The following DST variants were observed in gnomAD, a reference collection of about 807,000 sequenced individuals.
DST encodes the protein dystonin, also known as bullous pemphigoid antigen.
In DST, 253 loss-of-function variants were observed where a neutral mutation model predicts 875.2. The observed-to-expected ratio is 0.29, with a 90% CI of 0.26 to 0.32. The LOEUF is 0.32. DST is among the 10% of genes least tolerant of loss of function. The pLI is 1.00. For synonymous variants in DST, 3,124 were observed against 3,197.1 expected (o/e 0.98, Z 0.77); for missense variants, 8,287 against 9,111.6 (o/e 0.91, Z 3.68).
chr6:56,614,277 T>C, intron 37 of DST, 79 bp downstream of exon 37: 1 of 1,294,162 alleles, frequency 7.7e-7, no homozygotes, highest in Non-Finnish European at 1.0e-6. Context: ...AAATTAAACA[T>C]TGTGCTAGGT....
intron 2 of DST, among the ~76,000 whole-genome samples, chr6:56,925,204 T>C (rs1198843344): frequency 6.6e-6 from 1 of 152,230 alleles, no homozygotes; most frequent in East Asian, 1.9e-4. Context: ...TTGATGGAAC[T>C]GGCTAACATC....
chr6:56,624,418 A>C (rs746234209), intron 36 of DST, 112 bp downstream of exon 36: 2 of 744,428 alleles, frequency 2.7e-6, no homozygotes, highest in Non-Finnish European at 4.9e-6. Context: ...TACATCTGCT[A>C]CCGGCCACAT....
chr6:56,548,226 G>A (rs1207004393), intron 61 of DST, among the ~76,000 whole-genome samples: 1 of 152,226 alleles, frequency 6.6e-6, no homozygotes, highest in East Asian at 1.9e-4. Context: ...TGTTATTTAA[G>A]AAAGTTTATG....
chr6:56,755,466 C>T (rs2099599727), intron 4 of DST, among the ~76,000 whole-genome samples: 1 of 152,198 alleles, frequency 6.6e-6, no homozygotes, highest in Non-Finnish European at 1.5e-5. Context: ...ACTTTACATT[C>T]ACATATACTC....
intron 10 of DST, among the ~76,000 whole-genome samples, chr6:56,667,580 G>A (rs918939523): frequency 5.9e-5 from 9 of 152,060 alleles, no homozygotes; most frequent in African/African-American, 1.4e-4. Flanking sequence ...TTTTAACCAC[G>A]AACCTTAACA....
intron 10 of DST, among the ~76,000 whole-genome samples, chr6:56,660,135 C>CA (rs1027315221): frequency 1.3e-5 from 2 of 152,158 alleles, no homozygotes; most frequent in African/African-American, 4.8e-5. Flanking sequence ...GACTGCTGGC[C>CA]AGAACCATTT....
chr6:56,460,230 G>T lies in DST; in HGVS notation c.23095C>A (p.Leu7699Ile), dbSNP rs1395059476. The T allele has an allele frequency of 6.2e-7, 1 of 1,613,942 alleles. No homozygotes were observed. The highest frequency in any genetic ancestry group is 8.5e-7 in the Non-Finnish European group (1 of 1,179,864). The change falls in exon 103 of 104, where the codon CTT becomes ATT. Residue 7699 changes from leucine (L) to isoleucine (I), a missense_variant. By Grantham distance (5) the Leu-to-Ile change is conservative. Transcript: ENST00000680361. ...CCTGATAAATATCCTGGAAGTCGAA[G>T]CTTGCTTCCTTGTATTGGCGTTCCC... is the stretch of plus-strand genomic sequence containing the variant. ...AEGTPIQGSK[L>I]RLPGYLSGKG... is the part of the protein sequence containing the mutation.
chr6:56,715,443 T>C (rs1167495085), intron 5 of DST, among the ~76,000 whole-genome samples: 1 of 152,160 alleles, frequency 6.6e-6, no homozygotes, highest in Admixed American at 6.5e-5. Flanking sequence ...GCTGAGCACT[T>C]TGAAGAGAAG....
chr6:56,847,212 C>T (rs181536454), intron 4 of DST, among the ~76,000 whole-genome samples: 1 of 151,978 alleles, frequency 6.6e-6, no homozygotes, highest in East Asian at 1.9e-4. Flanking sequence ...CCTAGCTACT[C>T]AGGAGGCTGA....
chr6:56,905,132 C>T (rs1330205175), intron 2 of DST, among the ~76,000 whole-genome samples: 2 of 152,118 alleles, frequency 1.3e-5, no homozygotes, highest in African/African-American at 4.8e-5. Flanking sequence ...CACTTGGAAG[C>T]CTGTCAGTAG....
Position 56,636,396 on chromosome 6 carries a change from A to ATG in DST, c.3060+159_3060+160dup, listed in dbSNP as rs1225053498. On this transcript the variant is annotated intron_variant, in intron 23 of 103. Transcript: ENST00000680361. ...TATACACACATATATGTGTATACGTATGTGTGTATATATATACACACATAT... is the reference window on the plus strand; with the variant it reads ...TATACACACATATATGTGTATACGTATGTGTGTGTATATATATACACACATAT... Among the ~76,000 whole-genome samples, 9 of 149,880 alleles carry ATG rather than the reference A, an allele frequency of 6.0e-5. No individual in the cohort carries two copies. The East Asian group carries it at 1.2e-3, about 20-fold the overall frequency.
chr6:56,506,971 T>C (rs2096336545), intron 75 of DST, among the ~76,000 whole-genome samples, 182 bp from the exon 76 acceptor site: 1 of 152,192 alleles, frequency 6.6e-6, no homozygotes, highest in African/African-American at 2.4e-5. Flanking sequence ...AACAGCACCC[T>C]TTTAGTAACA....
At chr6:56,528,814 G>T in intron 67 of DST, 27 bp downstream of exon 67, 2 of 1,396,756 alleles carry the variant, frequency 1.4e-6, no homozygotes, top group South Asian at 1.3e-5. Context: ...CTGACCACAT[G>T]ATGATTTGAT....
chr6:56,504,867 A>G lies in DST; in HGVS notation c.19465-769T>C, dbSNP rs60139655. On this transcript the variant is annotated intron_variant, in intron 77 of 103. Coordinates refer to ENST00000680361, the MANE Select transcript of DST (RefSeq NM_001374736.1). ...CATGCCACCATGGCTGGCTAATAAA[A>G]AAAGAAAAAAAAATTGTAGATGGGG... 9.9e-3 allele frequency among the ~76,000 whole-genome samples: 1,496 copies of G among 151,750 alleles called. 25 individuals are homozygous for G. Among genetic ancestry groups the G allele is most frequent in the African/African-American group, 0.033 (1,384 of 41,484 alleles).
chr6:56,515,955 C>T (rs999752903), intron 71 of DST, among the ~76,000 whole-genome samples: 1 of 151,840 alleles, frequency 6.6e-6, no homozygotes, highest in Non-Finnish European at 1.5e-5. Context: ...GAAAACAAGT[C>T]CCATATGATT....
chr6:56,517,768 G>GACTA (rs1352678477), intron 69 of DST, 148 bp from the exon 70 acceptor site: 1 of 960,772 alleles, frequency 1.0e-6, no homozygotes, highest in Non-Finnish European at 1.5e-6. Context: ...TCGTGATAAT[G>GACTA]ACTAAATTTT....
At chr6:56,516,875 A>G (rs1460490882) in intron 71 of DST, among the ~76,000 whole-genome samples, 1 of 152,166 alleles carries the variant, frequency 6.6e-6, no homozygotes, top group Non-Finnish European at 1.5e-5. Flanking sequence ...GTTGATACAT[A>G]TAAAAAACAA....
At position 56,552,552 on chromosome 6, in the gene DST, C is replaced by T. The variant is rs2097341638; in HGVS notation, c.16240G>A (p.Asp5414Asn). 6.2e-7 allele frequency: 1 copy of T among 1,613,852 alleles called. No individual in the cohort carries two copies. Among genetic ancestry groups the T allele is most frequent in the African/African-American group, 1.3e-5 (1 of 74,920 alleles). ...TTTTGCTTTTGCAATGTTTCTGCAT[C>T]TCTCCCCACTGGAGCCATGCTATCC... ...ELDSMAPVGR[D>N]AETLQKQKET... The change falls in exon 61 of 104, where the codon GAT becomes AAT. Residue 5414 changes from aspartate (D) to asparagine (N), a missense_variant. Asp to Asn is a conservative substitution (Grantham distance 23, BLOSUM62 1). Coordinates refer to ENST00000680361, the MANE Select transcript of DST (RefSeq NM_001374736.1).
intron 2 of DST, among the ~76,000 whole-genome samples, chr6:56,950,062 A>T (rs1456475463): frequency 6.6e-6 from 1 of 152,208 alleles, no homozygotes; most frequent in Non-Finnish European, 1.5e-5. Flanking sequence ...AATTTTGGGC[A>T]TATTATTCTC....
Sources: allele counts gnomAD v4.1 joint callset (sites outside exome capture counted in the v4.1 genomes callset), GRCh38; gene constraint gnomAD v4.1.1; transcripts MANE v1.5; gene names NCBI Gene and HGNC (gene_info 2026-07-23, HGNC 2026-07-21).